Variants in CEMIP observed in about 807,000 individuals in gnomAD.
CEMIP encodes the protein cell migration inducing hyaluronidase 1, also known as cell migration-inducing and hyaluronan-binding protein.
Under a neutral mutation model 156.9 loss-of-function variants are expected in CEMIP, and 105 were observed. The ratio of observed to expected loss-of-function variants is 0.67; its 90% CI spans 0.57 to 0.79. The LOEUF (loss-of-function observed/expected upper bound fraction) is 0.79. CEMIP is among the 30% of genes least tolerant of loss of function. The pLI is 0.00. For missense variants in CEMIP, 1,457 were observed against 1,769.4 expected, an observed-to-expected ratio of 0.82 and a Z score of 3.17; for synonymous variants, 676 against 668.4, an observed-to-expected ratio of 1.01 and a Z score of -0.17.
chr15:80,848,130 T>C (rs1418139146), intron 1 of CEMIP, among the ~76,000 whole-genome samples: 13 of 152,196 alleles, frequency 8.5e-5, no homozygotes, highest in Admixed American at 8.5e-4. Context: ...GGGTAATTTA[T>C]CAGAAAGCCT....
At chr15:80,889,397 T>G in intron 9 of CEMIP, 74 bp from the exon 10 acceptor site, 5 of 1,605,782 alleles carry the variant, frequency 3.1e-6, no homozygotes, top group Non-Finnish European at 4.3e-6. Context: ...TGAGGATGCT[T>G]GGAGACAACA....
chr15:80,841,059 T>G (rs74030618), intron 1 of CEMIP, among the ~76,000 whole-genome samples: 1 of 152,136 alleles, frequency 6.6e-6, no homozygotes. Context: ...CCTCTCATCT[T>G]GTCCTCTGAG....
At chr15:80,851,948 C>T (rs28491447) in intron 1 of CEMIP, among the ~76,000 whole-genome samples, 1,859 of 152,204 alleles carry the variant, frequency 0.012, 44 homozygotes, top group African/African-American at 0.043. Context: ...GGCTGACCAT[C>T]AGGAGGCCAC....
At chr15:80,931,435 A>T (rs191560277) in intron 21 of CEMIP, among the ~76,000 whole-genome samples, 1 of 152,336 alleles carries the variant, frequency 6.6e-6, no homozygotes, top group African/African-American at 2.4e-5. Flanking sequence ...TCTTCCCAAG[A>T]AACATAATAT....
In CEMIP at chr15:80,946,957, T is replaced by C; in HGVS notation, c.3858-8T>C. 3.7e-6 allele frequency: 6 copies of C among 1,601,066 alleles called. No individual in the cohort carries two copies. The highest frequency in any genetic ancestry group is 1.1e-5 in the South Asian group (1 of 90,774). On this transcript the variant is annotated splice_region_variant and splice_polypyrimidine_tract_variant and intron_variant, in intron 28 of 29. Coordinates refer to ENST00000394685, the MANE Select transcript of CEMIP (RefSeq NM_001293298.2). ...TCCCTCTGGTCTAATTGGTTTCTTCTCACACAGTTCCATAGTGCTTATGGC... is the reference window on the plus strand; with the variant it reads ...TCCCTCTGGTCTAATTGGTTTCTTCCCACACAGTTCCATAGTGCTTATGGC...
intron 28 of CEMIP, 45 bp from the exon 29 acceptor site, chr15:80,946,920 C>T: frequency 7.4e-7 from 1 of 1,347,884 alleles, no homozygotes; most frequent in Non-Finnish European, 1.1e-6. Flanking sequence ...CCACTTTCTC[C>T]AGTTTGCTCT....
chr15:80,925,507 C>T lies in CEMIP; in HGVS notation c.2289-117C>T, dbSNP rs2271163. 1,227,301 of 1,398,834 alleles carry T rather than the reference C, an allele frequency of 0.88. 542,195 individuals are homozygous for T. The highest frequency in any genetic ancestry group is 0.91 in the Non-Finnish European group (923,901 of 1,019,530). 86.7% of individuals were successfully genotyped at this position (1,398,834 alleles called of 1,614,324 possible). ...CAGGCAATGCGAATGGGTTTCTGTT[C>T]AGTCAATGCCTTCCTGGGCACTGTG... On this transcript the variant is annotated intron_variant, in intron 18 of 29. Coordinates refer to ENST00000394685, the MANE Select transcript of CEMIP (RefSeq NM_001293298.2).
intron 1 of CEMIP, among the ~76,000 whole-genome samples, chr15:80,789,718 T>A (rs1896031419): frequency 2.0e-5 from 3 of 152,298 alleles, no homozygotes. Context: ...CTGAAATCTG[T>A]TCTACATTTT....
intron 19 of CEMIP, among the ~76,000 whole-genome samples, chr15:80,928,223 G>A (rs1900765749): frequency 6.6e-6 from 1 of 152,164 alleles, no homozygotes; most frequent in South Asian, 2.1e-4. Flanking sequence ...TAGGGTCTGT[G>A]GTAGCACAGA....
intron 1 of CEMIP, among the ~76,000 whole-genome samples, chr15:80,814,821 A>C (rs1269399750): frequency 6.6e-6 from 1 of 152,180 alleles, no homozygotes; most frequent in Non-Finnish European, 1.5e-5. Flanking sequence ...CCTCCTCCCC[A>C]TGCAGACTTA....
chr15:80,909,700 C>A (rs985399459), intron 14 of CEMIP: 2 of 444,468 alleles, frequency 4.5e-6, no homozygotes, highest in East Asian at 7.1e-5. Context: ...GAGATGGTGA[C>A]AACAATGGGC....
rs776200460 is a variant in CEMIP, at chr15:80,906,563, C to T, written c.1412-100C>T. ...AGACCACTGTGCACACCAGGCATGGCGATGAGTAAGCAGCAGCCATGGAGG... is the reference window on the plus strand; with the variant it reads ...AGACCACTGTGCACACCAGGCATGGTGATGAGTAAGCAGCAGCCATGGAGG... On this transcript the variant is annotated intron_variant, in intron 12 of 29. Transcript: ENST00000394685. The surrounding 1 kb of genome is among the most constrained non-coding windows in gnomAD (Gnocchi z 4.3). 4.0e-5 allele frequency: 48 copies of T among 1,208,850 alleles called. 1 individual carries two copies. Among genetic ancestry groups the T allele is most frequent in the Non-Finnish European group, 5.6e-5 (47 of 842,424 alleles). 74.9% of individuals were successfully genotyped at this position (1,208,850 alleles called of 1,614,324 possible). A position where few individuals can be genotyped will look rare whatever the true frequency, so the allele number is the denominator to read the frequency against.
chr15:80,879,702 T>C lies in CEMIP; in HGVS notation c.242-14T>C, dbSNP rs1194938416. 28 of 1,614,040 alleles carry C rather than the reference T, an allele frequency of 1.7e-5. No individual in the cohort carries two copies. Among genetic ancestry groups the C allele is most frequent in the Non-Finnish European group, 2.2e-5 (26 of 1,180,020 alleles). On this transcript the variant is annotated splice_polypyrimidine_tract_variant and intron_variant, in intron 4 of 29. Coordinates refer to ENST00000394685, the MANE Select transcript of CEMIP (RefSeq NM_001293298.2). ...ACTGTGTTATTAAACCTCCCCCCAA[T>C]GCTACCTCTTCAGGCAAGCTGGTCA...
At chr15:80,901,678 G>C (rs951468088) in intron 12 of CEMIP, among the ~76,000 whole-genome samples, 1 of 149,938 alleles carries the variant, frequency 6.7e-6, no homozygotes, top group Non-Finnish European at 1.5e-5. Context: ...CTCCAGCCTG[G>C]GGGACAAGAG....
Position 80,941,924 on chromosome 15 carries a change from G to A in CEMIP, c.3483G>A (p.Arg1161=). 1 of 1,614,044 alleles carries A rather than the reference G, an allele frequency of 6.2e-7. No individual in the cohort carries two copies. Among genetic ancestry groups the A allele is most frequent in the Non-Finnish European group, 8.5e-7 (1 of 1,180,006 alleles). The change falls in exon 26 of 30, where the codon AGG becomes AGA. Residue 1161 remains arginine, a synonymous_variant. Transcript: ENST00000394685. ...FAFCSMKGCE[R]IKIKALIPKN... Reference sequence around the variant, plus strand: ...TCTGCTCCATGAAAGGCTGTGAGAGGATAAAGATTAAAGCTCTGATTCCAA... The same window carrying A: ...TCTGCTCCATGAAAGGCTGTGAGAGAATAAAGATTAAAGCTCTGATTCCAA...
chr15:80,919,302 G>T (rs149856541), intron 14 of CEMIP, among the ~76,000 whole-genome samples: 2 of 152,258 alleles, frequency 1.3e-5, no homozygotes, highest in Non-Finnish European at 2.9e-5. Flanking sequence ...AAGTTCCCTC[G>T]TCCACCCTTA....
At position 80,941,936 on chromosome 15, in the gene CEMIP, A is replaced by G. The variant is rs1901352733; in HGVS notation, c.3495A>G (p.Lys1165=). 1 of 1,613,948 alleles carries G rather than the reference A, an allele frequency of 6.2e-7. No homozygotes were observed. The highest frequency in any genetic ancestry group is 8.5e-7 in the Non-Finnish European group (1 of 1,179,974). ...AAGGCTGTGAGAGGATAAAGATTAAAGCTCTGATTCCAAAGAACGCAGGCG... is the reference window on the plus strand; with the variant it reads ...AAGGCTGTGAGAGGATAAAGATTAAGGCTCTGATTCCAAAGAACGCAGGCG... ...SMKGCERIKI[K]ALIPKNAGVS... is the part of the protein sequence containing the mutation. Residue 1165 remains lysine, a synonymous_variant, in exon 26 of 30, where the codon AAA becomes AAG. Coordinates refer to ENST00000394685, the MANE Select transcript of CEMIP (RefSeq NM_001293298.2).
intron 28 of CEMIP, chr15:80,946,644 C>T: frequency 2.7e-6 from 1 of 364,472 alleles, no homozygotes; most frequent in Non-Finnish European, 5.3e-6. Context: ...GTGCCGAGCC[C>T]TGGCATGGTA....
chr15:80,893,566 G>T (rs1199910539), intron 10 of CEMIP, among the ~76,000 whole-genome samples: 1 of 152,130 alleles, frequency 6.6e-6, no homozygotes, highest in East Asian at 1.9e-4. Flanking sequence ...ACTTCAGGAG[G>T]CCCGAGGAGC....
Sources: gnomAD v4.1 joint callset for allele counts (sites outside exome capture counted in the v4.1 genomes callset) on GRCh38, gnomAD v4.1.1 for gene constraint, Gnocchi (gnomAD v3.1) non-coding constraint, MANE v1.5 for transcripts, NCBI Gene and HGNC (gene_info 2026-07-23, HGNC 2026-07-21) for gene names.